The following MED13L variants were observed in gnomAD, a reference collection of about 807,000 sequenced individuals.
The protein encoded by MED13L is mediator complex subunit 13L, also known as mediator of RNA polymerase II transcription subunit 13-like.
Under a neutral mutation model 220.9 loss-of-function variants are expected in MED13L, and 7 were observed. The observed-to-expected ratio is 0.03, with a 90% CI of 0.02 to 0.06. The LOEUF (loss-of-function observed/expected upper bound fraction) is 0.06. Ranked by LOEUF, MED13L falls within the 10% of genes least tolerant of loss-of-function variation. The pLI is 1.00. For missense variants in MED13L, 1,965 were observed against 2,760.5 expected (o/e 0.71, Z 6.46); for synonymous variants, 1,011 against 1,015.2 (o/e 1.00, Z 0.08).
At chr12:116,234,611 T>C (rs1340419370) in intron 2 of MED13L, among the ~76,000 whole-genome samples, 1 of 152,126 alleles carries the variant, frequency 6.6e-6, no homozygotes, top group Non-Finnish European at 1.5e-5. Flanking sequence ...CAAATAATGG[T>C]AATCTCATGC....
chr12:116,148,605 A>ATATC (rs752620275), intron 2 of MED13L: 2 of 159,998 alleles, frequency 1.3e-5, no homozygotes, highest in African/African-American at 1.1e-4. Context: ...ATATATGGAG[A>ATATC]TATCTATATA....
chr12:116,109,139 C>G (rs1873870278), intron 3 of MED13L, among the ~76,000 whole-genome samples: 1 of 130,506 alleles, frequency 7.7e-6, no homozygotes, highest in Admixed American at 9.4e-5. Flanking sequence ...GGCATGAACA[C>G]AGCTCACTGC....
intron 2 of MED13L, among the ~76,000 whole-genome samples, chr12:116,234,236 T>TA (rs1869857717): frequency 6.6e-6 from 1 of 151,980 alleles, no homozygotes; most frequent in Non-Finnish European, 1.5e-5. Flanking sequence ...TTTATTTATT[T>TA]ATTTATTTAT....
intron 4 of MED13L, among the ~76,000 whole-genome samples, chr12:116,037,072 C>T (rs1322382803): frequency 2.0e-5 from 3 of 152,178 alleles, no homozygotes; most frequent in Admixed American, 1.3e-4. Flanking sequence ...TATATTACTA[C>T]TAAATCACCA....
chr12:116,123,317 C>A (rs966244802), intron 2 of MED13L, among the ~76,000 whole-genome samples: 1 of 151,874 alleles, frequency 6.6e-6, no homozygotes, highest in African/African-American at 2.4e-5. Flanking sequence ...CAAGGAAAAC[C>A]AATATTTTTA....
Position 116,007,646 on chromosome 12 carries a change from A to T in MED13L, c.2013-10T>A. 1.8e-6 allele frequency: 1 copy of T among 561,574 alleles called. No homozygotes were observed. 34.8% of individuals were successfully genotyped at this position (561,574 alleles called of 1,614,324 possible). A position where few individuals can be genotyped will look rare whatever the true frequency, so the allele number is the denominator to read the frequency against. On this transcript the variant is annotated splice_polypyrimidine_tract_variant and intron_variant, in intron 10 of 30. Transcript: ENST00000281928. ...AGGTTGTGCTAAGAGTCTAAAAGAC[A>T]AAAAAAAAAAAAAAAAAAAGAGCAT...
chr12:116,036,450 A>G (rs1592973165), intron 4 of MED13L, among the ~76,000 whole-genome samples: 2 of 152,324 alleles, frequency 1.3e-5, no homozygotes, highest in South Asian at 2.1e-4. Context: ...TTCTCTTACA[A>G]TATTCTAAAT....
At chr12:116,071,955 A>G (rs1026605586) in intron 4 of MED13L, among the ~76,000 whole-genome samples, 3 of 152,222 alleles carry the variant, frequency 2.0e-5, no homozygotes, top group Admixed American at 1.3e-4. Flanking sequence ...TAGCTCACTG[A>G]AGGATACAGA....
chr12:116,075,745 G>A (rs534234384), intron 4 of MED13L, among the ~76,000 whole-genome samples: 1 of 152,078 alleles, frequency 6.6e-6, no homozygotes, highest in Non-Finnish European at 1.5e-5. Flanking sequence ...TTCCCTTAAA[G>A]TTTGAAGAAG....
intron 4 of MED13L, among the ~76,000 whole-genome samples, chr12:116,061,954 G>A (rs1340231753): frequency 7.1e-6 from 1 of 141,548 alleles, no homozygotes; most frequent in East Asian, 2.1e-4. Context: ...CTTGCAGTGA[G>A]CCGAGATCAC....
chr12:116,088,546 A>C (rs1871914773), intron 4 of MED13L, among the ~76,000 whole-genome samples: 1 of 152,082 alleles, frequency 6.6e-6, no homozygotes, highest in African/African-American at 2.4e-5. Context: ...GCTGCTGAAA[A>C]TCCTACAATG....
intron 3 of MED13L, among the ~76,000 whole-genome samples, chr12:116,107,910 T>C (rs1873719053): frequency 6.6e-6 from 1 of 152,016 alleles, no homozygotes; most frequent in Admixed American, 6.6e-5. Context: ...GCCAATATGG[T>C]GAAACCCCAT....
chr12:116,154,572 T>C (rs921762935), intron 2 of MED13L, among the ~76,000 whole-genome samples: 2 of 152,218 alleles, frequency 1.3e-5, no homozygotes, highest in Admixed American at 1.3e-4. Context: ...AGAATGACAT[T>C]CTCTGAGGGT....
intron 2 of MED13L, among the ~76,000 whole-genome samples, chr12:116,119,923 C>T (rs1435587152): frequency 7.1e-6 from 1 of 141,782 alleles, no homozygotes; most frequent in African/African-American, 2.6e-5. Context: ...AACTGAGCTA[C>T]AGTCAGCAGC....
intron 4 of MED13L, among the ~76,000 whole-genome samples, chr12:116,085,008 T>A (rs1871526657): frequency 6.6e-6 from 1 of 152,218 alleles, no homozygotes; most frequent in African/African-American, 2.4e-5. Flanking sequence ...TTTATTTTTC[T>A]ACATTCTCAA....
intron 2 of MED13L, among the ~76,000 whole-genome samples, chr12:116,222,126 CAGT>C (rs1868500513): frequency 6.6e-6 from 1 of 152,156 alleles, no homozygotes; most frequent in African/African-American, 2.4e-5. Context: ...AATATTCTGA[CAGT>C]AGAGTTCATT....
intron 2 of MED13L, among the ~76,000 whole-genome samples, chr12:116,128,553 CAACTTT>C (rs1188932630): frequency 6.6e-6 from 1 of 152,028 alleles, no homozygotes; most frequent in African/African-American, 2.4e-5. Context: ...TAAAATCAGG[CAACTTT>C]AACTTATAAA....
chr12:116,215,546 G>A (rs765202173), intron 2 of MED13L, among the ~76,000 whole-genome samples: 3 of 152,108 alleles, frequency 2.0e-5, no homozygotes, highest in Admixed American at 6.6e-5. Context: ...AAAACCTAAA[G>A]TGCTGGGATC....
chr12:116,266,121 C>T (rs1040676739), intron 1 of MED13L, among the ~76,000 whole-genome samples: 1 of 152,154 alleles, frequency 6.6e-6, no homozygotes, highest in Non-Finnish European at 1.5e-5. Flanking sequence ...ATTTCTCAAA[C>T]ATAGCGTACA....
Sources: allele counts gnomAD v4.1 joint callset (sites outside exome capture counted in the v4.1 genomes callset), GRCh38; gene constraint gnomAD v4.1.1; transcripts MANE v1.5; gene names NCBI Gene and HGNC (gene_info 2026-07-23, HGNC 2026-07-21).